KIRREL3: variants seen among roughly 807,000 people sequenced by gnomAD.
KIRREL3 encodes kirre like nephrin family adhesion molecule 3.
KIRREL3 carries 36 observed loss-of-function variants against 89.7 expected under a neutral mutation model. That is an observed-to-expected ratio of 0.40 (90% CI 0.31 to 0.53). The LOEUF (loss-of-function observed/expected upper bound fraction) is 0.53. KIRREL3 is among the 20% of genes least tolerant of loss of function. The pLI is 0.49. For missense variants in KIRREL3, 864 were observed against 1,056.6 expected, an observed-to-expected ratio of 0.82 and a Z score of 2.53; for synonymous variants, 445 against 441.4, an observed-to-expected ratio of 1.01 and a Z score of -0.10.
Position 126,427,204 on chromosome 11 carries a change from G to A in KIRREL3, c.1807-1480C>T, listed in dbSNP as rs1954976701. ...GAGACGTCATCCCTTCTCACATCTAGGCTGTGGTTTCCTCCCTCGTAAAAC... is the reference window on the plus strand; with the variant it reads ...GAGACGTCATCCCTTCTCACATCTAAGCTGTGGTTTCCTCCCTCGTAAAAC... On this transcript the variant is annotated intron_variant, in intron 15 of 16. Transcript: ENST00000525144. This position sits in a 1 kb window ranked among gnomAD's most constrained non-coding sequence, Gnocchi z 5.3. Among the ~76,000 whole-genome samples the A allele has an allele frequency of 6.6e-6, 1 of 152,192 alleles. No individual in the cohort carries two copies. The highest frequency in any genetic ancestry group is 1.5e-5 in the Non-Finnish European group (1 of 68,044).
intron 5 of KIRREL3, among the ~76,000 whole-genome samples, chr11:126,466,156 C>G (rs1402515975): frequency 6.6e-6 from 1 of 152,146 alleles, no homozygotes; most frequent in Admixed American, 6.5e-5. Flanking sequence ...TCCTCCGCCT[C>G]GGAATGATGA....
rs1298453217 is a variant in KIRREL3 at position 126,903,702 on chromosome 11, A to C, written c.55+96753T>G. ...AAGCTTGCAGTTGCAGGAGGCTGAC[A>C]ATGATGAAAATGAGATATGTTGGGC... On this transcript the variant is annotated intron_variant, in intron 1 of 16. Transcript: ENST00000525144. This position sits in a 1 kb window ranked among gnomAD's most constrained non-coding sequence, Gnocchi z 4.5. Among the ~76,000 whole-genome samples, 1 of 152,220 alleles carries C rather than the reference A, an allele frequency of 6.6e-6. No homozygotes were observed. The highest frequency in any genetic ancestry group is 1.9e-4 in the East Asian group (1 of 5,198).
chr11:126,501,313 T>C lies in KIRREL3; in HGVS notation c.433+20002A>G, dbSNP rs1355276702. On this transcript the variant is annotated intron_variant, in intron 4 of 16. Transcript: ENST00000525144. This position sits in a 1 kb window ranked among gnomAD's most constrained non-coding sequence, Gnocchi z 5.8. ...CCTCGGTTGTAGTTCTAAAGCCTAT[T>C]CATTTCCTCCATGTTCACATCTTTA... Among the ~76,000 whole-genome samples the C allele has an allele frequency of 1.3e-5, 2 of 152,186 alleles. No homozygotes were observed. Among genetic ancestry groups the C allele is most frequent in the Non-Finnish European group, 2.9e-5 (2 of 68,028 alleles).
chr11:126,995,858 T>A lies in KIRREL3; in HGVS notation c.55+4597A>T, dbSNP rs940598945. 6.6e-6 allele frequency among the ~76,000 whole-genome samples: 1 copy of A among 152,036 alleles called. No individual in the cohort carries two copies. Among genetic ancestry groups the A allele is most frequent in the African/African-American group, 2.4e-5 (1 of 41,378 alleles). On this transcript the variant is annotated intron_variant, in intron 1 of 16. Coordinates refer to ENST00000525144, the MANE Select transcript of KIRREL3 (RefSeq NM_032531.4). The surrounding 1 kb of genome is among the most constrained non-coding windows in gnomAD (Gnocchi z 6.5). The stretch of plus-strand genomic sequence containing the variant: ...GGGCCTAATCTCCTGCTCCACCCCA[T>A]CTCCTGCTGGCCCTGGCTTCCACCA...
chr11:126,856,277 T>A (rs142089133), intron 1 of KIRREL3, among the ~76,000 whole-genome samples: 17 of 152,272 alleles, frequency 1.1e-4, no homozygotes, highest in African/African-American at 4.1e-4. Flanking sequence ...GATAACAATC[T>A]GTCTACCTCT....
intron 1 of KIRREL3, among the ~76,000 whole-genome samples, chr11:126,728,100 G>C (rs1285979981): frequency 1.3e-5 from 2 of 152,176 alleles, no homozygotes; most frequent in Non-Finnish European, 2.9e-5. Context: ...TCACAGAGGG[G>C]CTGGGTGCAG....
At chr11:126,895,575 G>T (rs1946118911) in intron 1 of KIRREL3, among the ~76,000 whole-genome samples, 1 of 152,132 alleles carries the variant, frequency 6.6e-6, no homozygotes, top group Non-Finnish European at 1.5e-5. Context: ...CAAGCCTTTG[G>T]GATTCTCCTG....
chr11:126,650,994 C>A (rs746726713), intron 1 of KIRREL3, among the ~76,000 whole-genome samples: 5 of 152,090 alleles, frequency 3.3e-5, no homozygotes, highest in Non-Finnish European at 7.4e-5. Flanking sequence ...AGTGAAAATC[C>A]CTGATAAAAC....
At position 126,430,630 on chromosome 11, in the gene KIRREL3, T is replaced by C. The variant is rs1019014797; in HGVS notation, c.1696+789A>G. Among the ~76,000 whole-genome samples the C allele has an allele frequency of 2.6e-5, 4 of 152,134 alleles. No homozygotes were observed. The highest frequency in any genetic ancestry group is 4.8e-5 in the African/African-American group (2 of 41,418). On this transcript the variant is annotated intron_variant, in intron 14 of 16. Coordinates refer to ENST00000525144, the MANE Select transcript of KIRREL3 (RefSeq NM_032531.4). This position sits in a 1 kb window ranked among gnomAD's most constrained non-coding sequence, Gnocchi z 6.6. ...CAAGGGGAACAGCTTTCTTCAAACA[T>C]GTGCAGGCTGCCGAGTGGCAGAGGA...
In KIRREL3 at chr11:126,752,795, T is replaced by A. The variant is rs771164943; in HGVS notation, c.56-189883A>T. Among the ~76,000 whole-genome samples, 3 of 152,198 alleles carry A rather than the reference T, an allele frequency of 2.0e-5. No individual in the cohort carries two copies. Among genetic ancestry groups the A allele is most frequent in the Non-Finnish European group, 2.9e-5 (2 of 68,038 alleles). On this transcript the variant is annotated intron_variant, in intron 1 of 16. Transcript: ENST00000525144. This position sits in a 1 kb window ranked among gnomAD's most constrained non-coding sequence, Gnocchi z 4.8. Reference sequence around the variant, plus strand: ...AAAACAATTGGTTTTGCATGTTTCCTTGGGAATTTCAGGAGGAAATGGAGC... The same window carrying A: ...AAAACAATTGGTTTTGCATGTTTCCATGGGAATTTCAGGAGGAAATGGAGC...
chr11:126,911,910 G>C (rs1046694569), intron 1 of KIRREL3, among the ~76,000 whole-genome samples: 1 of 151,076 alleles, frequency 6.6e-6, no homozygotes, highest in Non-Finnish European at 1.5e-5. Flanking sequence ...GTGAACCCGG[G>C]AGGCAGAGCT....
chr11:126,665,414 A>C (rs1280046538), intron 1 of KIRREL3, among the ~76,000 whole-genome samples: 1 of 151,818 alleles, frequency 6.6e-6, no homozygotes, highest in East Asian at 1.9e-4. Flanking sequence ...CATGGTCTGA[A>C]TGTTTGTGTT....
At position 126,471,940 on chromosome 11, in the gene KIRREL3, C is replaced by T. The variant is rs1956905542; in HGVS notation, c.591+1369G>A. ...AGAGACCAGAACCCCTGTTGGTAGA[C>T]ACAGCAGGGCAAGGGCTGTTGGGTA... is the stretch of plus-strand genomic sequence containing the variant. On this transcript the variant is annotated intron_variant, in intron 5 of 16. Coordinates refer to ENST00000525144, the MANE Select transcript of KIRREL3 (RefSeq NM_032531.4). This position sits in a 1 kb window ranked among gnomAD's most constrained non-coding sequence, Gnocchi z 5.4. Among the ~76,000 whole-genome samples the T allele has an allele frequency of 1.3e-5, 2 of 152,080 alleles. No homozygotes were observed. The highest frequency in any genetic ancestry group is 4.8e-5 in the African/African-American group (2 of 41,394).
At chr11:126,975,735 G>C (rs550206910) in intron 1 of KIRREL3, among the ~76,000 whole-genome samples, 5 of 152,256 alleles carry the variant, frequency 3.3e-5, no homozygotes, top group African/African-American at 1.2e-4. Context: ...GGAGCAGCTA[G>C]AATCTTCAAG....
At position 126,429,865 on chromosome 11, in the gene KIRREL3, G is replaced by A. The variant is rs773462192; in HGVS notation, c.1697-577C>T. 1.2e-4 allele frequency among the ~76,000 whole-genome samples: 19 copies of A among 152,170 alleles called. No homozygotes were observed. The highest frequency in any genetic ancestry group is 1.2e-3 in the Admixed American group (18 of 15,282). On this transcript the variant is annotated intron_variant, in intron 14 of 16. Transcript: ENST00000525144. The surrounding 1 kb of genome is among the most constrained non-coding windows in gnomAD (Gnocchi z 5.2). ...TGTTAGAAAATTCTTGGCTGGGTGC[G>A]GTGGCTCACGCCTGTAATCCCAGCA...
intron 1 of KIRREL3, among the ~76,000 whole-genome samples, chr11:126,878,597 GA>G (rs1565377129): frequency 6.8e-6 from 1 of 147,620 alleles, no homozygotes; most frequent in Admixed American, 6.7e-5. Flanking sequence ...GATTCTCAAA[GA>G]AAAAAATGCA....
At position 126,424,146 on chromosome 11, in the gene KIRREL3, G is replaced by C. The variant is rs954373375; in HGVS notation, c.*434C>G. ...GAAGACGTCATCCCCTTCTCCCCAG[G>C]GCTGTATGGGAGCACAGGCACAGGG... is the stretch of plus-strand genomic sequence containing the variant. On this transcript the variant is annotated 3_prime_UTR_variant, in exon 17 of 17. Coordinates refer to ENST00000525144, the MANE Select transcript of KIRREL3 (RefSeq NM_032531.4). 8.9e-6 allele frequency: 2 copies of C among 224,006 alleles called. No individual in the cohort carries two copies. The highest frequency in any genetic ancestry group is 4.5e-5 in the African/African-American group (2 of 44,754). The allele number at this position is 224,006 out of a possible 1,614,324, so 13.9% of individuals were successfully genotyped here.
In KIRREL3 at chr11:126,578,676, G is replaced by T. The variant is rs75415831; in HGVS notation, c.56-15764C>A. Among the ~76,000 whole-genome samples the T allele has an allele frequency of 5.6e-3, 854 of 152,252 alleles. 42 individuals carry two copies. In the East Asian group the frequency reaches 0.082, roughly 15 times the overall value. ...TCAGAATCCGCCTCACACCCATGGA[G>T]AGTTCTCGCAATGGGTATGGCAAAC... On this transcript the variant is annotated intron_variant, in intron 1 of 16. Transcript: ENST00000525144. The surrounding 1 kb of genome is among the most constrained non-coding windows in gnomAD (Gnocchi z 4.9).
At chr11:126,726,211 A>T (rs1376046826) in intron 1 of KIRREL3, among the ~76,000 whole-genome samples, 6 of 152,118 alleles carry the variant, frequency 3.9e-5, no homozygotes, top group Non-Finnish European at 8.8e-5. Context: ...TAAAGCTCTG[A>T]CATTCAGTGA....
Sources: allele counts gnomAD v4.1 joint callset (sites outside exome capture counted in the v4.1 genomes callset), GRCh38; gene constraint gnomAD v4.1.1; non-coding constraint Gnocchi (gnomAD v3.1); transcripts MANE v1.5; gene names NCBI Gene and HGNC (gene_info 2026-07-23, HGNC 2026-07-21).